GALK2: variants seen among roughly 807,000 people sequenced by gnomAD.
GALK2 encodes N-acetylgalactosamine kinase.
Under a neutral mutation model 52.4 loss-of-function variants are expected in GALK2, and 36 were observed. The ratio of observed to expected loss-of-function variants is 0.69; its 90% CI spans 0.53 to 0.91. The LOEUF is 0.91. Among genes scored for constraint, GALK2 ranks in the 40% least tolerant of loss-of-function variants. The pLI, the probability that GALK2 is intolerant of heterozygous loss-of-function variation, is 0.00. For synonymous variants in GALK2, 176 were observed against 199.1 expected, an observed-to-expected ratio of 0.88 and a Z score of 0.98; for missense variants, 579 against 559.1, an observed-to-expected ratio of 1.04 and a Z score of -0.36.
intron 6 of GALK2, among the ~76,000 whole-genome samples, chr15:49,283,343 A>T (rs2169931): frequency 1.3e-5 from 2 of 152,106 alleles, no homozygotes; most frequent in African/African-American, 4.8e-5. Flanking sequence ...TGTCTACTAG[A>T]CTGTCTTTCC....
intron 2 of GALK2, among the ~76,000 whole-genome samples, chr15:49,211,343 G>C (rs999441589): frequency 6.6e-6 from 1 of 152,100 alleles, no homozygotes; most frequent in South Asian, 2.1e-4. Context: ...GGACTTCATT[G>C]TTCATATTAT....
chr15:49,194,937 TCTCCATA>T, intron 1 of GALK2: 4 of 326,520 alleles, frequency 1.2e-5, no homozygotes, highest in South Asian at 9.3e-5. Flanking sequence ...AACTTGTCTA[TCTCCATA>T]AGAAAAGCTT....
intron 5 of GALK2, among the ~76,000 whole-genome samples, chr15:49,259,678 A>C (rs1388620328): frequency 6.7e-6 from 1 of 148,424 alleles, no homozygotes; most frequent in African/African-American, 2.5e-5. Flanking sequence ...CGCTGCACCC[A>C]CTAACTTGTC....
intron 5 of GALK2, among the ~76,000 whole-genome samples, chr15:49,268,795 A>G (rs1461333554): frequency 1.3e-5 from 2 of 152,196 alleles, no homozygotes; most frequent in African/African-American, 4.8e-5. Context: ...ATTTTCTAGC[A>G]AATTACCTTA....
Position 49,195,418 on chromosome 15 carries a change from T to C in GALK2, c.54-5744T>C, listed in dbSNP as rs191104693. Among the ~76,000 whole-genome samples, 265 of 152,348 alleles carry C rather than the reference T, an allele frequency of 1.7e-3. 1 individual carries two copies. The highest frequency in any genetic ancestry group is 2.7e-3 in the Non-Finnish European group (186 of 68,028). On this transcript the variant is annotated intron_variant, in intron 1 of 9. Transcript: ENST00000560031. ...TTTCAAGAATGTTTAAAAACTTTTC[T>C]TAAATAGATTTTGCACGTTTATTAA...
chr15:49,287,090 G>T (rs1385071144), intron 7 of GALK2, among the ~76,000 whole-genome samples: 1 of 152,148 alleles, frequency 6.6e-6, no homozygotes, highest in African/African-American at 2.4e-5. Context: ...ACTAGAAAAA[G>T]GGCATCTCCT....
rs1162141267 is a variant in GALK2, at chr15:49,330,253, A to G, written c.*2094A>G. On this transcript the variant is annotated 3_prime_UTR_variant, in exon 10 of 10. Coordinates refer to ENST00000560031, the MANE Select transcript of GALK2 (RefSeq NM_002044.4). Reference sequence around the variant, plus strand: ...GGCTTTGCTTTGGTATGTAGTGAAGAATAAGATTGACTACACTGGCTGGAG... The same window carrying G: ...GGCTTTGCTTTGGTATGTAGTGAAGGATAAGATTGACTACACTGGCTGGAG... The G allele has an allele frequency of 6.6e-6, 1 of 152,218 alleles. No homozygotes were observed. Among genetic ancestry groups the G allele is most frequent in the Non-Finnish European group, 1.5e-5 (1 of 68,062 alleles). The allele number at this position is 152,218 out of a possible 1,614,324, so 9.4% of individuals were successfully genotyped here. A position where few individuals can be genotyped will look rare whatever the true frequency, so the allele number is the denominator to read the frequency against.
chr15:49,353,625 T>A (rs1445338736), intron 3 of GALK2: 1 of 151,852 alleles, frequency 6.6e-6, no homozygotes, highest in Non-Finnish European at 1.5e-5. Context: ...TTTTTTTTTT[T>A]TTTTGTAAAA....
At chr15:49,260,530 G>GA (rs1254109509) in intron 5 of GALK2, among the ~76,000 whole-genome samples, 4 of 146,998 alleles carry the variant, frequency 2.7e-5, no homozygotes, top group African/African-American at 1.0e-4. Flanking sequence ...TGTTCACTCT[G>GA]ATGGTAGTTT....
chr15:49,243,956 C>CA (rs1326640195), intron 5 of GALK2, among the ~76,000 whole-genome samples: 1 of 150,228 alleles, frequency 6.7e-6, no homozygotes, highest in Non-Finnish European at 1.5e-5. Flanking sequence ...GACCTTGTCT[C>CA]AAAAAAAGAG....
At chr15:49,262,545 G>C (rs895499961) in intron 5 of GALK2, among the ~76,000 whole-genome samples, 3 of 152,138 alleles carry the variant, frequency 2.0e-5, no homozygotes, top group African/African-American at 7.2e-5. Context: ...ATTTTTTGAA[G>C]GGTTTTTTGT....
intron 2 of GALK2, among the ~76,000 whole-genome samples, chr15:49,204,924 C>T (rs1312103031): frequency 6.6e-6 from 1 of 152,138 alleles, no homozygotes; most frequent in Non-Finnish European, 1.5e-5. Context: ...TAGCTTAGCC[C>T]CCACATATCA....
chr15:49,233,009 C>T (rs1329743548), intron 3 of GALK2, among the ~76,000 whole-genome samples: 1 of 152,204 alleles, frequency 6.6e-6, no homozygotes, highest in East Asian at 1.9e-4. Context: ...AATGCAAATT[C>T]ACATTTTCAG....
intron 1 of GALK2, among the ~76,000 whole-genome samples, chr15:49,187,305 A>G (rs1219568807): frequency 6.6e-6 from 1 of 152,214 alleles, no homozygotes; most frequent in Non-Finnish European, 1.5e-5. Context: ...TTCTTTCTCC[A>G]TACTGATTTT....
chr15:49,238,738 G>C (rs566806802), intron 4 of GALK2, among the ~76,000 whole-genome samples: 191 of 152,154 alleles, frequency 1.3e-3, no homozygotes, highest in African/African-American at 4.5e-3. Context: ...TCTAAAGTAA[G>C]GCACTCCTTA....
At chr15:49,253,837 C>G (rs2091707655) in intron 5 of GALK2, among the ~76,000 whole-genome samples, 1 of 142,448 alleles carries the variant, frequency 7.0e-6, no homozygotes, top group African/African-American at 2.5e-5. Context: ...CTTAAAACAC[C>G]AAGCATCATC....
chr15:49,155,815 C>A (rs17435932), exon 1 of GALK2: 211,803 of 712,452 alleles, frequency 0.3, 35,303 homozygotes, highest in Non-Finnish European at 0.36. Flanking sequence ...GCAACTGGGA[C>A]ATCGTCCGGT....
intron 1 of GALK2, among the ~76,000 whole-genome samples, chr15:49,199,639 T>C (rs1267413801): frequency 2.0e-5 from 3 of 148,780 alleles, no homozygotes; most frequent in Non-Finnish European, 4.5e-5. Context: ...ACCTAAACTC[T>C]GCCAAGCTGA....
intron 3 of GALK2, among the ~76,000 whole-genome samples, chr15:49,344,442 T>C (rs2041173703): frequency 6.6e-6 from 1 of 152,220 alleles, no homozygotes; most frequent in African/African-American, 2.4e-5. Flanking sequence ...TCTGGTAATA[T>C]AGCATGGTAC....
Sources: gnomAD v4.1 joint callset for allele counts (sites outside exome capture counted in the v4.1 genomes callset) on GRCh38, gnomAD v4.1.1 for gene constraint, MANE v1.5 for transcripts, NCBI Gene and HGNC (gene_info 2026-07-23, HGNC 2026-07-21) for gene names.